The following HCFC2 variants were observed in gnomAD, a reference collection of about 807,000 sequenced individuals.
HCFC2 encodes the protein host cell factor C2.
A neutral mutation model predicts 89.2 loss-of-function variants in HCFC2; 18 were observed. The ratio of observed to expected loss-of-function variants is 0.20; its 90% CI spans 0.14 to 0.30. The LOEUF (loss-of-function observed/expected upper bound fraction) is 0.30. Ranked by LOEUF, HCFC2 falls within the 10% of genes least tolerant of loss-of-function variation. The probability of loss-of-function intolerance (pLI) is 1.00; values close to 1 mark genes in which losing one functional copy is unlikely to be tolerated. For missense variants in HCFC2, 578 were observed against 956.1 expected (o/e 0.60, Z 5.21); for synonymous variants, 308 against 335.7 (o/e 0.92, Z 0.90).
At chr12:104,074,106 G>A (rs1566226543) in intron 3 of HCFC2, among the ~76,000 whole-genome samples, 1 of 152,060 alleles carries the variant, frequency 6.6e-6, no homozygotes, top group Non-Finnish European at 1.5e-5. Context: ...TTTGCTATAG[G>A]TTGTTGGTAT....
At position 104,082,804 on chromosome 12, in the gene HCFC2, A is replaced by G. The variant is rs368547930; in HGVS notation, c.966A>G (p.Ala322=). The change falls in exon 7 of 15, where the codon GCA becomes GCG. Residue 322 remains alanine (A), a synonymous_variant. Coordinates refer to ENST00000229330, the MANE Select transcript of HCFC2 (RefSeq NM_013320.3). The part of the protein sequence containing the change: ...PRPRAGHCAV[A]IGTRLYFWSG... Reference sequence around the variant, plus strand: ...CAAGAGCTGGCCACTGTGCTGTTGCAATCGGCACTCGATTGTATTTTTGGA... The same window carrying G: ...CAAGAGCTGGCCACTGTGCTGTTGCGATCGGCACTCGATTGTATTTTTGGA... 2.5e-5 allele frequency: 40 copies of G among 1,614,052 alleles called. No homozygotes were observed. The highest frequency in any genetic ancestry group is 3.2e-5 in the Non-Finnish European group (38 of 1,179,944).
chr12:104,072,015 T>C (rs1162256761), intron 3 of HCFC2, among the ~76,000 whole-genome samples: 1 of 152,290 alleles, frequency 6.6e-6, no homozygotes, highest in Non-Finnish European at 1.5e-5. Context: ...TTTCTTATTA[T>C]TGAGTTGTAA....
chr12:104,097,517 A>G (rs1884211686), intron 12 of HCFC2: 1 of 191,948 alleles, frequency 5.2e-6, no homozygotes, highest in South Asian at 1.8e-4. Context: ...AACTTTAAAG[A>G]CTCTTCTAGT....
intron 5 of HCFC2, 25 bp downstream of exon 5, chr12:104,080,855 T>G: frequency 6.8e-7 from 1 of 1,479,332 alleles, no homozygotes; most frequent in Non-Finnish European, 9.2e-7. Flanking sequence ...TGTATTTTGC[T>G]TCTGTTTTTT....
intron 3 of HCFC2, among the ~76,000 whole-genome samples, chr12:104,075,047 A>T (rs1486529976): frequency 2.6e-5 from 4 of 151,956 alleles, no homozygotes; most frequent in African/African-American, 7.3e-5. Context: ...CTAGATTTTT[A>T]AATTTATTTC....
At chr12:104,070,054 G>T (rs139255926) in intron 3 of HCFC2, among the ~76,000 whole-genome samples, 1 of 151,566 alleles carries the variant, frequency 6.6e-6, no homozygotes, top group African/African-American at 2.4e-5. Flanking sequence ...ACAGAATCTC[G>T]CTCTGTCTCC....
In HCFC2 at chr12:104,068,766, A is replaced by G. The variant is rs1410361429; in HGVS notation, c.473+659A>G. Among the ~76,000 whole-genome samples the G allele has an allele frequency of 2.0e-5, 3 of 152,128 alleles. 1 individual carries two copies. The highest frequency in any genetic ancestry group is 1.3e-4 in the Admixed American group (2 of 15,266). On this transcript the variant is annotated intron_variant, in intron 3 of 14. Transcript: ENST00000229330. This position sits in a 1 kb window ranked among gnomAD's most constrained non-coding sequence, Gnocchi z 4.1. ...GGCACAGATTGTAAATAATGGGGCT[A>G]TCTACATTGTTGACCCCTATTATAG...
At position 104,105,182 on chromosome 12, in the gene HCFC2, G is replaced by A. The variant is rs1318958947; in HGVS notation, c.*1909G>A. 2.6e-5 allele frequency: 4 copies of A among 151,384 alleles called. No individual in the cohort carries two copies. The highest frequency in any genetic ancestry group is 9.7e-5 in the African/African-American group (4 of 41,262). The allele number at this position is 151,384 out of a possible 1,614,324, so 9.4% of individuals were successfully genotyped here. On this transcript the variant is annotated 3_prime_UTR_variant, in exon 15 of 15. Transcript: ENST00000229330. Reference sequence around the variant, plus strand: ...ATATTAGGGTTTGTTGTGTATATGTGTATACTTAATTATAAAAGAATATGA... The same window carrying A: ...ATATTAGGGTTTGTTGTGTATATGTATATACTTAATTATAAAAGAATATGA...
chr12:104,083,373 A>G (rs1240676984), intron 7 of HCFC2, among the ~76,000 whole-genome samples: 1 of 152,236 alleles, frequency 6.6e-6, no homozygotes, highest in Admixed American at 6.5e-5. Context: ...TAGATCTTCT[A>G]CAAAGAATAT....
intron 9 of HCFC2, among the ~76,000 whole-genome samples, chr12:104,088,821 T>A (rs1883942242): frequency 6.6e-6 from 1 of 152,198 alleles, no homozygotes; most frequent in Admixed American, 6.5e-5. Flanking sequence ...TATTCCTATG[T>A]TATATGTTGA....
chr12:104,070,291 G>A (rs1432993619), intron 3 of HCFC2, among the ~76,000 whole-genome samples: 1 of 152,192 alleles, frequency 6.6e-6, no homozygotes, highest in Non-Finnish European at 1.5e-5. Context: ...GCCTCCCAAA[G>A]TGCTGGGATT....
intron 3 of HCFC2, among the ~76,000 whole-genome samples, chr12:104,077,247 T>G (rs1883523877): frequency 6.6e-6 from 1 of 152,084 alleles, no homozygotes; most frequent in South Asian, 2.1e-4. Context: ...TTTTTTGTTT[T>G]TTGTTTTTTT....
intron 12 of HCFC2, among the ~76,000 whole-genome samples, chr12:104,096,966 G>A (rs1884196166): frequency 6.6e-6 from 1 of 152,160 alleles, no homozygotes; most frequent in African/African-American, 2.4e-5. Context: ...TGACATAAAT[G>A]TAGGGTAGCC....
rs762946398 is a variant in HCFC2, at chr12:104,093,443, A to G, written c.1342A>G (p.Met448Val). The change falls in exon 10 of 15, where the codon ATG becomes GTG. Residue 448 changes from methionine to valine, a missense_variant. Met to Val is a conservative substitution (Grantham distance 21). This residue lies in a region of HCFC2 where 210 missense variants were observed against 251.7 expected (regional missense o/e 0.83). Coordinates refer to ENST00000229330, the MANE Select transcript of HCFC2 (RefSeq NM_013320.3). The stretch of plus-strand genomic sequence containing the variant: ...ACAGCCAGCCACAAAAGAAACTTCA[A>G]TGAAAAACAAACCAGACTTTAAAGC... ...TEQPATKETS[M>V]KNKPDFKALT... The G allele has an allele frequency of 3.4e-5, 55 of 1,613,540 alleles. No individual in the cohort carries two copies. The highest frequency in any genetic ancestry group is 4.3e-5 in the Non-Finnish European group (51 of 1,179,690).
intron 5 of HCFC2, 127 bp downstream of exon 5, chr12:104,080,957 G>T (rs1883664546): frequency 5.2e-6 from 3 of 572,904 alleles, no homozygotes; most frequent in South Asian, 4.6e-5. Flanking sequence ...TGATTGTGCT[G>T]ACTGAAGCTA....
chr12:104,096,272 G>T, intron 11 of HCFC2, 88 bp from the exon 12 acceptor site: 2 of 831,322 alleles, frequency 2.4e-6, no homozygotes, highest in Non-Finnish European at 3.6e-6. Flanking sequence ...GTTTACAGTT[G>T]GTGGCATTAA....
rs1303451234 is a variant in HCFC2 at position 104,082,519 on chromosome 12, T to C, written c.787T>C (p.Trp263Arg). The change falls in exon 6 of 15, where the codon TGG (tryptophan) becomes CGG (arginine). Residue 263 changes from tryptophan (W) to arginine (R), a missense_variant. Transcript: ENST00000229330. ...IGNKMYIFGG[W>R]VPHKGENTET... ...GCTCAGGATGTACATTTTTGGTGGA[T>C]GGGTCCCACATAAGGGGGAAAATAC... The C allele has an allele frequency of 6.2e-7, 1 of 1,608,966 alleles. No individual in the cohort carries two copies. The highest frequency in any genetic ancestry group is 1.3e-5 in the African/African-American group (1 of 74,900).
intron 9 of HCFC2, among the ~76,000 whole-genome samples, chr12:104,092,885 C>T (rs987900476): frequency 1.3e-5 from 2 of 152,060 alleles, no homozygotes; most frequent in African/African-American, 4.8e-5. Context: ...ATCCAAAATA[C>T]TTCATGGTAT....
intron 2 of HCFC2, among the ~76,000 whole-genome samples, chr12:104,067,680 CTACTT>C (rs1428932543): frequency 2.0e-5 from 3 of 152,246 alleles, no homozygotes; most frequent in East Asian, 1.9e-4. Flanking sequence ...CATTTGGAAA[CTACTT>C]TAGAACAGTT....
Sources: allele counts gnomAD v4.1 joint callset (sites outside exome capture counted in the v4.1 genomes callset), GRCh38; gene constraint gnomAD v4.1.1; regional missense constraint gnomAD v4.1.1; non-coding constraint Gnocchi (gnomAD v3.1); transcripts MANE v1.5; gene names NCBI Gene and HGNC (gene_info 2026-07-23, HGNC 2026-07-21).